MAP3K7: variants seen among roughly 807,000 people sequenced by gnomAD.
The protein encoded by MAP3K7 is TGF-beta activated kinase 1.
In MAP3K7, 21 loss-of-function variants were observed where a neutral mutation model predicts 84.8. The observed-to-expected ratio is 0.25, with a 90% confidence interval of 0.18 to 0.36. MAP3K7 has a LOEUF of 0.36. Ranked by LOEUF, MAP3K7 falls within the 10% of genes least tolerant of loss-of-function variation. The pLI, the probability that MAP3K7 is intolerant of heterozygous loss-of-function variation, is 1.00. For synonymous variants in MAP3K7, 241 were observed against 247.7 expected (o/e 0.97, Z 0.25); for missense variants, 503 against 747.7 (o/e 0.67, Z 3.82).
At chr6:90,581,183 CCAAA>C (rs1777258743) in intron 1 of MAP3K7, among the ~76,000 whole-genome samples, 1 of 152,138 alleles carries the variant, frequency 6.6e-6, no homozygotes, top group East Asian at 1.9e-4. Flanking sequence ...AAGAAAACAA[CCAAA>C]CACACACCTA....
intron 14 of MAP3K7, among the ~76,000 whole-genome samples, chr6:90,520,458 A>C (rs1775113150): frequency 6.6e-6 from 1 of 151,950 alleles, no homozygotes; most frequent in Non-Finnish European, 1.5e-5. Context: ...CTAATTAGCG[A>C]AATCAGACCA....
rs536545449 is a variant in MAP3K7, at chr6:90,519,291, T to C, written c.1491A>G (p.Pro497=). The C allele has an allele frequency of 6.3e-7, 1 of 1,586,988 alleles. No homozygotes were observed. The highest frequency in any genetic ancestry group is 1.4e-5 in the African/African-American group (1 of 72,844). ...GGTGATCCAGTGTAAGATAAGCCATTGGGATGGAGTTATCTGATCCATTGG... is the reference window on the plus strand; with the variant it reads ...GGTGATCCAGTGTAAGATAAGCCATCGGGATGGAGTTATCTGATCCATTGG... ...TDTNGSDNSI[P]MAYLTLDHQL... Residue 497 remains proline, a synonymous_variant, in exon 15 of 17, where the codon CCA becomes CCG. Coordinates refer to ENST00000369329, the MANE Select transcript of MAP3K7 (RefSeq NM_145331.3).
At chr6:90,572,372 T>C (rs370808882) in intron 1 of MAP3K7, among the ~76,000 whole-genome samples, 2 of 152,074 alleles carry the variant, frequency 1.3e-5, no homozygotes, top group East Asian at 1.9e-4. Flanking sequence ...TATTGATATA[T>C]GTTACTTACG....
chr6:90,574,172 G>C (rs547219097), intron 1 of MAP3K7, among the ~76,000 whole-genome samples: 5 of 152,318 alleles, frequency 3.3e-5, no homozygotes, highest in African/African-American at 1.2e-4. Context: ...TACAGGATTC[G>C]TAAGTTAAAA....
intron 1 of MAP3K7, among the ~76,000 whole-genome samples, chr6:90,574,664 G>C (rs1340382660): frequency 6.6e-6 from 1 of 152,162 alleles, no homozygotes; most frequent in Non-Finnish European, 1.5e-5. Context: ...CGTCCATGCA[G>C]GGATTCCAAA....
chr6:90,534,954 A>G (rs1775619412), intron 13 of MAP3K7, among the ~76,000 whole-genome samples: 1 of 152,168 alleles, frequency 6.6e-6, no homozygotes, highest in Non-Finnish European at 1.5e-5. Flanking sequence ...ACTTTTAAGT[A>G]TCTGAGGGGG....
intron 2 of MAP3K7, among the ~76,000 whole-genome samples, chr6:90,569,265 C>G (rs1407452440): frequency 6.6e-6 from 1 of 152,084 alleles, no homozygotes; most frequent in African/African-American, 2.4e-5. Context: ...GTATACTTGC[C>G]TCCATTCCAT....
At chr6:90,586,216 C>G (rs1777445670) in intron 1 of MAP3K7, among the ~76,000 whole-genome samples, 1 of 151,084 alleles carries the variant, frequency 6.6e-6, no homozygotes. Context: ...ACTAAAAATA[C>G]AAAAAATTAG....
At chr6:90,522,374 G>A (rs906388435) in intron 14 of MAP3K7, among the ~76,000 whole-genome samples, 1 of 152,136 alleles carries the variant, frequency 6.6e-6, no homozygotes, top group Non-Finnish European at 1.5e-5. Flanking sequence ...GTAGACTGAA[G>A]ACAGAAGGCT....
intron 5 of MAP3K7, 114 bp downstream of exon 5, chr6:90,559,962 A>G (rs899789953): frequency 8.6e-7 from 1 of 1,164,632 alleles, no homozygotes; most frequent in Non-Finnish European, 1.2e-6. Context: ...AGCCAAATAG[A>G]GAAAAGAGAA....
intron 9 of MAP3K7, among the ~76,000 whole-genome samples, chr6:90,548,816 G>C (rs146391523): frequency 4.6e-5 from 7 of 151,068 alleles, no homozygotes; most frequent in African/African-American, 1.7e-4. Flanking sequence ...GAGGCCAACT[G>C]AAGAAAGTGC....
intron 1 of MAP3K7, among the ~76,000 whole-genome samples, chr6:90,585,738 T>G (rs28586872): frequency 6.6e-6 from 1 of 152,208 alleles, no homozygotes; most frequent in Non-Finnish European, 1.5e-5. Context: ...AGAAAGGATA[T>G]GGGTTTTCTG....
intron 13 of MAP3K7, among the ~76,000 whole-genome samples, chr6:90,527,289 G>T (rs764552817): frequency 2.0e-5 from 3 of 151,700 alleles, no homozygotes; most frequent in Non-Finnish European, 2.9e-5. Flanking sequence ...TTGAGACAGG[G>T]TCTTGTTCTC....
chr6:90,563,854 A>G (rs1434735295), intron 3 of MAP3K7, among the ~76,000 whole-genome samples: 1 of 152,254 alleles, frequency 6.6e-6, no homozygotes, highest in Non-Finnish European at 1.5e-5. Context: ...AGCCCATCAG[A>G]CTAACAGTGG....
chr6:90,556,729 A>T, intron 5 of MAP3K7, 105 bp from the exon 6 acceptor site: 1 of 1,127,166 alleles, frequency 8.9e-7, no homozygotes, highest in Non-Finnish European at 1.2e-6. Context: ...AGCAAAATGA[A>T]TGTTATCATT....
chr6:90,564,223 C>T (rs1227060442), intron 3 of MAP3K7, among the ~76,000 whole-genome samples: 1 of 152,042 alleles, frequency 6.6e-6, no homozygotes, highest in Non-Finnish European at 1.5e-5. Context: ...TAACAATATT[C>T]ACCTTAAATG....
chr6:90,542,417 T>A, intron 12 of MAP3K7: 1 of 983,524 alleles, frequency 1.0e-6, no homozygotes, highest in Non-Finnish European at 1.2e-6. Context: ...TATTTTCATA[T>A]GAATAGCACT....
intron 1 of MAP3K7, among the ~76,000 whole-genome samples, chr6:90,581,188 C>A (rs1427393998): frequency 6.6e-6 from 1 of 152,194 alleles, no homozygotes; most frequent in Non-Finnish European, 1.5e-5. Flanking sequence ...AACAACCAAA[C>A]ACACACCTAA....
rs34070701 is a variant in MAP3K7 at position 90,553,022 on chromosome 6, G to A, written c.736+436C>T. Among the ~76,000 whole-genome samples the A allele has an allele frequency of 8.8e-3, 1,335 of 152,250 alleles. 21 individuals are homozygous for A. The highest frequency in any genetic ancestry group is 0.029 in the African/African-American group (1,223 of 41,538). ...AATATAAACAGGAAAAATATGTGAAGCATTATTATTCTTTGCTTCTTCTCC... is the reference window on the plus strand; with the variant it reads ...AATATAAACAGGAAAAATATGTGAAACATTATTATTCTTTGCTTCTTCTCC... On this transcript the variant is annotated intron_variant, in intron 7 of 16. Transcript: ENST00000369329.
Sources: gnomAD v4.1 joint callset for allele counts (sites outside exome capture counted in the v4.1 genomes callset) on GRCh38, gnomAD v4.1.1 for gene constraint, MANE v1.5 for transcripts, NCBI Gene and HGNC (gene_info 2026-07-23, HGNC 2026-07-21) for gene names.